SAMD12: variants seen among roughly 807,000 people sequenced by gnomAD.
SAMD12 encodes sterile alpha motif domain containing 12, also known as sterile alpha motif domain-containing protein 12.
A neutral mutation model predicts 15.0 loss-of-function variants in SAMD12; 9 were observed. That is an observed-to-expected ratio of 0.60 (90% CI 0.36 to 1.05). The LOEUF (loss-of-function observed/expected upper bound fraction) is 1.05, where lower values mean the gene tolerates loss of function less well. SAMD12 is among the 50% of genes least tolerant of loss of function. The pLI is 0.01. For missense variants in SAMD12, 230 were observed against 234.2 expected, an observed-to-expected ratio of 0.98 and a Z score of 0.12; for synonymous variants, 86 against 90.1, an observed-to-expected ratio of 0.96 and a Z score of 0.25.
chr8:118,311,636 G>A (rs1156450682), intron 4 of SAMD12, among the ~76,000 whole-genome samples: 1 of 152,236 alleles, frequency 6.6e-6, no homozygotes, highest in Non-Finnish European at 1.5e-5. Flanking sequence ...TGGAGTCTAT[G>A]TAGTGGCCTT....
the SAMD12 span, among the ~76,000 whole-genome samples, chr8:118,167,413 G>A: frequency 6.6e-6 from 1 of 152,068 alleles, no homozygotes; most frequent in Non-Finnish European, 1.5e-5. Flanking sequence ...GATGAACATG[G>A]AACCTTCACA....
At chr8:118,259,887 T>C (rs1389652877) in intron 4 of SAMD12, among the ~76,000 whole-genome samples, 2 of 152,150 alleles carry the variant, frequency 1.3e-5, no homozygotes, top group Non-Finnish European at 2.9e-5. Flanking sequence ...TGCTAGTACA[T>C]TTCAAGTTTA....
chr8:118,412,660 G>A (rs1821470527), intron 3 of SAMD12, among the ~76,000 whole-genome samples: 1 of 152,096 alleles, frequency 6.6e-6, no homozygotes, highest in Non-Finnish European at 1.5e-5. Flanking sequence ...TCTGGATGCT[G>A]TCTTGGACCT....
intron 1 of SAMD12, among the ~76,000 whole-genome samples, chr8:118,591,251 C>G (rs1187508899): frequency 2.6e-5 from 4 of 152,180 alleles, no homozygotes; most frequent in African/African-American, 9.6e-5. Flanking sequence ...TTATAAATGA[C>G]TTTTGATTTA....
At chr8:118,439,437 T>C (rs1822667455) in intron 3 of SAMD12, among the ~76,000 whole-genome samples, 1 of 152,162 alleles carries the variant, frequency 6.6e-6, no homozygotes, top group African/African-American at 2.4e-5. Context: ...TACTTTATCT[T>C]AGACATTTTT....
At chr8:118,244,149 C>G (rs946507685) in intron 4 of SAMD12, among the ~76,000 whole-genome samples, 1 of 152,146 alleles carries the variant, frequency 6.6e-6, no homozygotes, top group Admixed American at 6.6e-5. Flanking sequence ...CTTCAACCAG[C>G]AGCCATTGTT....
chr8:118,131,904 A>G, the SAMD12 span, among the ~76,000 whole-genome samples: 1 of 152,156 alleles, frequency 6.6e-6, no homozygotes, highest in African/African-American at 2.4e-5. Context: ...GAAAATTTAT[A>G]TTTTTACAAG....
At chr8:118,319,923 G>A (rs1391559720) in intron 4 of SAMD12, among the ~76,000 whole-genome samples, 2 of 152,152 alleles carry the variant, frequency 1.3e-5, no homozygotes, top group African/African-American at 2.4e-5. Flanking sequence ...CTTAGAACTC[G>A]CTAGAGTTAG....
intron 4 of SAMD12, among the ~76,000 whole-genome samples, chr8:118,229,513 T>C (rs956007150): frequency 6.6e-6 from 1 of 152,144 alleles, no homozygotes; most frequent in African/African-American, 2.4e-5. Context: ...TAGCCTTCTC[T>C]CCTTCTCCTT....
chr8:118,574,060 G>A (rs1490568553), intron 2 of SAMD12, among the ~76,000 whole-genome samples: 2 of 152,198 alleles, frequency 1.3e-5, no homozygotes, highest in African/African-American at 4.8e-5. Context: ...CATTTAGTTA[G>A]GGTGGTCAGG....
chr8:118,156,303 C>G, the SAMD12 span, among the ~76,000 whole-genome samples: 1 of 152,148 alleles, frequency 6.6e-6, no homozygotes, highest in Non-Finnish European at 1.5e-5. Context: ...TATAAGATAA[C>G]ATCAGATTGT....
chr8:118,294,417 G>A (rs1243319969), intron 4 of SAMD12, among the ~76,000 whole-genome samples: 1 of 152,188 alleles, frequency 6.6e-6, no homozygotes, highest in Non-Finnish European at 1.5e-5. Flanking sequence ...TTTCACCAGA[G>A]GAAGAAGAGC....
intron 1 of SAMD12, among the ~76,000 whole-genome samples, chr8:118,584,687 TAAGA>T (rs1331251377): frequency 6.6e-6 from 1 of 152,204 alleles, no homozygotes; most frequent in African/African-American, 2.4e-5. Flanking sequence ...TAAAAAAATT[TAAGA>T]GAGAAATGTT....
the SAMD12 span, among the ~76,000 whole-genome samples, chr8:118,170,822 T>G: frequency 6.6e-6 from 1 of 151,964 alleles, no homozygotes; most frequent in Non-Finnish European, 1.5e-5. Context: ...AGAAAAAAAA[T>G]AGATTGGACT....
chr8:118,173,309 G>C, the SAMD12 span, among the ~76,000 whole-genome samples: 1 of 152,026 alleles, frequency 6.6e-6, no homozygotes, highest in South Asian at 2.1e-4. Flanking sequence ...CGCTGTAATG[G>C]GCTGACTGTC....
At chr8:118,212,197 A>G (rs1313951785) in intron 4 of SAMD12, among the ~76,000 whole-genome samples, 6 of 152,198 alleles carry the variant, frequency 3.9e-5, no homozygotes, top group African/African-American at 1.2e-4. Context: ...TTTGTAGGCA[A>G]GATCATAGTG....
the SAMD12 span, among the ~76,000 whole-genome samples, chr8:118,173,378 C>T: frequency 6.6e-6 from 1 of 151,976 alleles, no homozygotes; most frequent in African/African-American, 2.4e-5. Flanking sequence ...AGGCACTTGC[C>T]TTAAGGGACC....
intron 4 of SAMD12, among the ~76,000 whole-genome samples, chr8:118,321,161 A>G (rs1471173025): frequency 4.2e-5 from 3 of 71,160 alleles, no homozygotes; most frequent in Admixed American, 3.2e-4. Context: ...ATATATATAT[A>G]TATATATATA....
the SAMD12 span, among the ~76,000 whole-genome samples, chr8:118,168,576 G>C: frequency 3.3e-5 from 5 of 152,040 alleles, no homozygotes; most frequent in African/African-American, 1.2e-4. Flanking sequence ...TCTTCTTCCC[G>C]GAATATTTTT....
Sources: allele counts gnomAD v4.1 joint callset (sites outside exome capture counted in the v4.1 genomes callset), GRCh38; gene constraint gnomAD v4.1.1; transcripts MANE v1.5; gene names NCBI Gene and HGNC (gene_info 2026-07-23, HGNC 2026-07-21).